The following SOBP variants were observed in gnomAD, a reference collection of about 807,000 sequenced individuals.
SOBP encodes sine oculis-binding protein homolog.
A neutral mutation model predicts 53.6 loss-of-function variants in SOBP; 4 were observed. The ratio of observed to expected loss-of-function variants is 0.07; its 90% confidence interval spans 0.04 to 0.17. The LOEUF is 0.17. SOBP is among the 10% of genes least tolerant of loss of function. SOBP has a pLI of 1.00. For synonymous variants in SOBP, 584 were observed against 522.6 expected (o/e 1.12, Z -1.60); for missense variants, 1,088 against 1,204.7 (o/e 0.90, Z 1.43).
intron 6 of SOBP, among the ~76,000 whole-genome samples, chr6:107,653,028 T>C (rs1478354919): frequency 6.6e-6 from 1 of 152,214 alleles, no homozygotes; most frequent in African/African-American, 2.4e-5. Flanking sequence ...ATGCTCACTT[T>C]ATTGCAGTGG....
chr6:107,541,113 AT>A (rs1452059846), intron 4 of SOBP, among the ~76,000 whole-genome samples: 3 of 152,084 alleles, frequency 2.0e-5, no homozygotes, highest in African/African-American at 4.8e-5. Context: ...GCCCTGATTA[AT>A]TTTTCCATGG....
intron 6 of SOBP, among the ~76,000 whole-genome samples, chr6:107,653,832 G>T (rs1371170272): frequency 6.6e-6 from 1 of 152,210 alleles, no homozygotes; most frequent in Admixed American, 6.5e-5. Context: ...GGGAGTGGTT[G>T]CCTGGAAGTT....
At chr6:107,654,154 T>G (rs1314385274) in intron 6 of SOBP, among the ~76,000 whole-genome samples, 1 of 152,226 alleles carries the variant, frequency 6.6e-6, no homozygotes, top group Non-Finnish European at 1.5e-5. Flanking sequence ...CAGGCAGGCC[T>G]GGAATTCTGA....
At chr6:107,568,514 G>C (rs1180736954) in intron 4 of SOBP, among the ~76,000 whole-genome samples, 1 of 152,120 alleles carries the variant, frequency 6.6e-6, no homozygotes, top group Non-Finnish European at 1.5e-5. Context: ...TAGATCACAG[G>C]TTCTACACAC....
intron 5 of SOBP, 119 bp downstream of exon 5, chr6:107,587,294 G>A (rs1785597604): frequency 4.9e-6 from 4 of 809,948 alleles, no homozygotes; most frequent in Non-Finnish European, 8.2e-6. Flanking sequence ...TCTGTATAGA[G>A]TTCTAAATGC....
intron 4 of SOBP, among the ~76,000 whole-genome samples, chr6:107,544,928 A>G (rs1378316393): frequency 6.6e-6 from 1 of 152,206 alleles, no homozygotes; most frequent in Admixed American, 6.5e-5. Flanking sequence ...GCACATTAAT[A>G]CTAAATCATT....
At chr6:107,491,655 C>T (rs1199837891) in intron 1 of SOBP, among the ~76,000 whole-genome samples, 2 of 151,930 alleles carry the variant, frequency 1.3e-5, no homozygotes, top group East Asian at 3.9e-4. Flanking sequence ...TTTCACGAGT[C>T]TCTATTGATA....
intron 3 of SOBP, among the ~76,000 whole-genome samples, chr6:107,522,380 A>G (rs76119093): frequency 0.019 from 2,922 of 152,192 alleles, 45 homozygotes; most frequent in East Asian, 0.054. Flanking sequence ...AGTGAGTTAG[A>G]AGGCTACTTG....
At chr6:107,548,856 T>G (rs534789005) in intron 4 of SOBP, among the ~76,000 whole-genome samples, 1 of 152,270 alleles carries the variant, frequency 6.6e-6, no homozygotes, top group African/African-American at 2.4e-5. Context: ...GAGAATTGTT[T>G]GAGCCAGGAG....
chr6:107,569,624 G>C (rs2115036143), intron 4 of SOBP, among the ~76,000 whole-genome samples: 1 of 152,334 alleles, frequency 6.6e-6, no homozygotes, highest in Admixed American at 6.5e-5. Context: ...CTGCACAGAA[G>C]GTTTCCCAAT....
intron 5 of SOBP, among the ~76,000 whole-genome samples, chr6:107,607,674 G>A (rs994484105): frequency 1.3e-5 from 2 of 152,168 alleles, no homozygotes; most frequent in Non-Finnish European, 2.9e-5. Flanking sequence ...GTGTGCATGT[G>A]AGGAGTATGT....
chr6:107,625,135 T>C lies in SOBP; in HGVS notation c.670-8379T>C, dbSNP rs145607114. On this transcript the variant is annotated intron_variant, in intron 5 of 6. Coordinates refer to ENST00000317357, the MANE Select transcript of SOBP (RefSeq NM_018013.4). ...ATTCATGTAGCATGCTCAGCATGGG[T>C]ACTAGAGCTTAAATAAAGCTACCTA... 3.0e-3 allele frequency among the ~76,000 whole-genome samples: 460 copies of C among 152,344 alleles called. 5 individuals carry two copies. Among genetic ancestry groups the C allele is most frequent in the African/African-American group, 0.01 (432 of 41,572 alleles).
intron 3 of SOBP, among the ~76,000 whole-genome samples, chr6:107,516,486 AAAAAG>A (rs1340802583): frequency 1.3e-5 from 2 of 152,050 alleles, no homozygotes; most frequent in Admixed American, 6.6e-5. Context: ...TCAAAAAAAA[AAAAAG>A]AAAAGAAAAG....
At chr6:107,528,638 C>T (rs1444167884) in intron 3 of SOBP, among the ~76,000 whole-genome samples, 1 of 152,226 alleles carries the variant, frequency 6.6e-6, no homozygotes, top group African/African-American at 2.4e-5. Context: ...AACACTTCAG[C>T]TGTCTCCTCA....
At chr6:107,598,185 A>G (rs931534734) in intron 5 of SOBP, among the ~76,000 whole-genome samples, 3 of 151,842 alleles carry the variant, frequency 2.0e-5, no homozygotes, top group Admixed American at 6.6e-5. Context: ...TAAAAAAAAA[A>G]GTTTACAAAC....
chr6:107,572,789 T>G (rs916682019), intron 4 of SOBP, among the ~76,000 whole-genome samples: 2 of 152,222 alleles, frequency 1.3e-5, no homozygotes, highest in Non-Finnish European at 2.9e-5. Flanking sequence ...AAAGGTGTCC[T>G]CTGTTATTGA....
intron 5 of SOBP, among the ~76,000 whole-genome samples, chr6:107,606,480 T>C (rs777724761): frequency 3.9e-5 from 6 of 152,118 alleles, no homozygotes; most frequent in Non-Finnish European, 8.8e-5. Flanking sequence ...GGATGCAGCA[T>C]TCAAGGGAAT....
chr6:107,501,846 A>G (rs958301609), intron 1 of SOBP, among the ~76,000 whole-genome samples: 1 of 152,184 alleles, frequency 6.6e-6, no homozygotes, highest in Non-Finnish European at 1.5e-5. Flanking sequence ...TATTGATCAT[A>G]TCTTTGTGCA....
intron 5 of SOBP, among the ~76,000 whole-genome samples, chr6:107,631,807 C>G (rs894875494): frequency 6.6e-6 from 1 of 152,178 alleles, no homozygotes; most frequent in African/African-American, 2.4e-5. Flanking sequence ...GTAGTTTGAA[C>G]GGGCAATTTG....
Sources: gnomAD v4.1 joint callset for allele counts (sites outside exome capture counted in the v4.1 genomes callset) on GRCh38, gnomAD v4.1.1 for gene constraint, MANE v1.5 for transcripts, NCBI Gene and HGNC (gene_info 2026-07-23, HGNC 2026-07-21) for gene names.